LIFR: variants seen among roughly 807,000 people sequenced by gnomAD.
LIFR encodes leukemia inhibitory factor receptor.
Under a neutral mutation model 122.2 loss-of-function variants are expected in LIFR, and 84 were observed. That is an observed-to-expected ratio of 0.69 (90% CI 0.58 to 0.82). The LOEUF is 0.82. Ranked by LOEUF, LIFR falls within the 40% of genes least tolerant of loss-of-function variation. LIFR has a pLI of 0.00. For synonymous variants in LIFR, 422 were observed against 434.7 expected, an observed-to-expected ratio of 0.97 and a Z score of 0.36; for missense variants, 1,294 against 1,311.6, an observed-to-expected ratio of 0.99 and a Z score of 0.21.
chr5:38,545,131 G>C (rs36108370), intron 1 of LIFR, among the ~76,000 whole-genome samples: 1 of 152,076 alleles, frequency 6.6e-6, no homozygotes, highest in Non-Finnish European at 1.5e-5. Flanking sequence ...TTAGCCGGGC[G>C]TGGTGGCGGA....
intron 14 of LIFR, among the ~76,000 whole-genome samples, chr5:38,491,683 T>C (rs927565608): frequency 6.6e-6 from 1 of 152,282 alleles, no homozygotes; most frequent in African/African-American, 2.4e-5. Context: ...AGTCAACTTC[T>C]AACATCATAC....
chr5:38,591,497 T>C (rs1580240794), intron 1 of LIFR, among the ~76,000 whole-genome samples: 2 of 152,226 alleles, frequency 1.3e-5, no homozygotes, highest in Non-Finnish European at 2.9e-5. Context: ...CTTAACGTTA[T>C]GCTTTAACTT....
rs1328092130 is a variant in LIFR, at chr5:38,528,763, C to T, written c.220G>A (p.Gly74Ser). ...NCSWKAPSGT[G>S]RGTDYEVCIE... ...CAAACTTCATAATCAGTACCACGGC[C>T]TGTTCCAGAGGGTGCTTTCCAAGAA... is the stretch of plus-strand genomic sequence containing the variant. The change falls in exon 3 of 20, where the codon GGC (glycine) becomes AGC (serine). Residue 74 changes from glycine (G) to serine (S), a missense_variant. Transcript: ENST00000453190. 6.3e-7 allele frequency: 1 copy of T among 1,598,276 alleles called. No homozygotes were observed. Among genetic ancestry groups the T allele is most frequent in the Admixed American group, 1.7e-5 (1 of 58,568 alleles).
chr5:38,540,410 A>G (rs368589722), intron 1 of LIFR, among the ~76,000 whole-genome samples: 16 of 152,264 alleles, frequency 1.1e-4, no homozygotes, highest in Non-Finnish European at 2.2e-4. Context: ...TAATCACATT[A>G]TAACAAAGAT....
chr5:38,541,824 T>C (rs1169064063), intron 1 of LIFR, among the ~76,000 whole-genome samples: 1 of 152,180 alleles, frequency 6.6e-6, no homozygotes, highest in African/African-American at 2.4e-5. Flanking sequence ...AATGATAATG[T>C]TGATAACAAT....
chr5:38,546,520 G>A (rs1044370161), intron 1 of LIFR, among the ~76,000 whole-genome samples: 3 of 152,168 alleles, frequency 2.0e-5, no homozygotes, highest in African/African-American at 7.2e-5. Flanking sequence ...ACATCTCACA[G>A]GATAACAATC....
At position 38,505,895 on chromosome 5, in the gene LIFR, T is replaced by C. The variant is rs1745447784; in HGVS notation, c.1291+10A>G. 1 of 1,588,828 alleles carries C rather than the reference T, an allele frequency of 6.3e-7. No individual in the cohort carries two copies. The highest frequency in any genetic ancestry group is 8.6e-7 in the Non-Finnish European group (1 of 1,161,644). On this transcript the variant is annotated intron_variant, in intron 9 of 19. Transcript: ENST00000453190. ...GTTATTTTTAAGACATTAGTTTATGTACAGCTTACCTTTTTCAGTTATATT... is the reference window on the plus strand; with the variant it reads ...GTTATTTTTAAGACATTAGTTTATGCACAGCTTACCTTTTTCAGTTATATT...
chr5:38,509,985 C>A (rs775383476), intron 7 of LIFR, among the ~76,000 whole-genome samples: 3 of 152,102 alleles, frequency 2.0e-5, no homozygotes, highest in Non-Finnish European at 4.4e-5. Context: ...TGTCCTCCTG[C>A]CAGCCTGTTC....
At chr5:38,583,366 C>A (rs559651948) in intron 1 of LIFR, among the ~76,000 whole-genome samples, 1 of 152,054 alleles carries the variant, frequency 6.6e-6, no homozygotes, top group Admixed American at 6.5e-5. Context: ...TTTTTGGAAA[C>A]GAACCAATTC....
intron 1 of LIFR, among the ~76,000 whole-genome samples, chr5:38,567,248 C>T (rs1024924950): frequency 6.6e-6 from 1 of 152,096 alleles, no homozygotes; most frequent in Admixed American, 6.6e-5. Flanking sequence ...AATGCAGACC[C>T]TCAGAGAAGT....
intron 5 of LIFR, among the ~76,000 whole-genome samples, chr5:38,520,614 TGA>T (rs1746349137): frequency 2.0e-5 from 3 of 152,304 alleles, no homozygotes; most frequent in South Asian, 4.1e-4. Context: ...TTTTTGTATA[TGA>T]GAGACAGAGA....
rs7715903 is a variant in LIFR at position 38,511,038 on chromosome 5, C to A, written c.737-320G>T. Among the ~76,000 whole-genome samples the A allele has an allele frequency of 5.7e-3, 866 of 152,230 alleles. 12 individuals carry two copies. The highest frequency in any genetic ancestry group is 0.02 in the African/African-American group (818 of 41,522). On this transcript the variant is annotated intron_variant, in intron 6 of 19. Transcript: ENST00000453190. ...TGCCACAGGTTTATGTCTAAGAAGT[C>A]TAAGGGTTGAAATTCAGTGGGTTTA...
At chr5:38,599,012 G>C (rs1271402460), upstream of LIFR, among the ~76,000 whole-genome samples, 4 of 152,206 alleles carry the variant, frequency 2.6e-5, no homozygotes, top group Non-Finnish European at 4.4e-5. Flanking sequence ...GTTGAGGAAT[G>C]GGTATAACCT....
chr5:38,502,866 T>C (rs1436205990), intron 10 of LIFR, 67 bp from the exon 11 acceptor site: 5 of 829,830 alleles, frequency 6.0e-6, no homozygotes, highest in Middle Eastern at 3.8e-4. Context: ...TATATATACA[T>C]ACACATACAT....
intron 1 of LIFR, among the ~76,000 whole-genome samples, chr5:38,540,659 G>A (rs1747543348): frequency 6.6e-6 from 1 of 152,120 alleles, no homozygotes; most frequent in South Asian, 2.1e-4. Context: ...GGCCAGTACA[G>A]CCACAGATCT....
chr5:38,495,184 G>A (rs1243313075), intron 13 of LIFR, among the ~76,000 whole-genome samples: 1 of 152,156 alleles, frequency 6.6e-6, no homozygotes, highest in Non-Finnish European at 1.5e-5. Context: ...TGACAGAATT[G>A]CTAGTTCTGT....
intron 1 of LIFR, among the ~76,000 whole-genome samples, chr5:38,575,055 A>T (rs1403906570): frequency 6.6e-6 from 1 of 152,220 alleles, no homozygotes. Flanking sequence ...CCACATGCCC[A>T]TCCAAGCAGA....
chr5:38,481,726 C>T lies in LIFR; in HGVS notation c.3163G>A (p.Val1055Ile). ...PRSIDSNSEIVSFGSPCSINS... is the reference protein window; with the variant it reads ...PRSIDSNSEIISFGSPCSINS... ...ATGGAGCATGGACTTCCAAATGAGA[C>T]AATCTCACTGTTGCTGTCTATGGAT... The change falls in exon 20 of 20, where the codon GTC becomes ATC. Residue 1055 changes from valine (V) to isoleucine (I), a missense_variant. By Grantham distance (29) the Val-to-Ile change is conservative. Coordinates refer to ENST00000453190, the MANE Select transcript of LIFR (RefSeq NM_001127671.2). The T allele has an allele frequency of 6.2e-7, 1 of 1,614,176 alleles. No individual in the cohort carries two copies. Among genetic ancestry groups the T allele is most frequent in the Non-Finnish European group, 8.5e-7 (1 of 1,180,042 alleles).
At chr5:38,570,447 A>G (rs925697093) in intron 1 of LIFR, among the ~76,000 whole-genome samples, 1 of 152,186 alleles carries the variant, frequency 6.6e-6, no homozygotes, top group African/African-American at 2.4e-5. Flanking sequence ...TCTTATGAGC[A>G]TACCTTTAAT....
Sources: allele counts gnomAD v4.1 joint callset (sites outside exome capture counted in the v4.1 genomes callset), GRCh38; gene constraint gnomAD v4.1.1; transcripts MANE v1.5; gene names NCBI Gene and HGNC (gene_info 2026-07-23, HGNC 2026-07-21).